Variants in EMC8 observed in about 807,000 individuals in gnomAD.
EMC8 encodes ER membrane protein complex subunit 8.
In EMC8, 11 loss-of-function variants were observed where a neutral mutation model predicts 24.3. The observed-to-expected ratio is 0.45, with a 90% CI of 0.28 to 0.75. EMC8 has a LOEUF of 0.75. Ranked by LOEUF, EMC8 falls within the 30% of genes least tolerant of loss-of-function variation. EMC8 has a pLI of 0.12. For missense variants in EMC8, 277 were observed against 282.7 expected (o/e 0.98, Z 0.14); for synonymous variants, 145 against 117.7 (o/e 1.23, Z -1.50).
rs1156536687 is a variant in EMC8, at chr16:85,778,717, C to G, written c.*991G>C. 6.6e-6 allele frequency: 1 copy of G among 152,184 alleles called. No homozygotes were observed. Among genetic ancestry groups the G allele is most frequent in the African/African-American group, 2.4e-5 (1 of 41,444 alleles). 9.4% of individuals were successfully genotyped at this position (152,184 alleles called of 1,614,324 possible). On this transcript the variant is annotated 3_prime_UTR_variant, in exon 5 of 5. Transcript: ENST00000253457. Reference sequence around the variant, plus strand: ...AATAGTGACCGCTGTATCACAAACCCTTTCAGGTCACACCGATCGTTACAA... The same window carrying G: ...AATAGTGACCGCTGTATCACAAACCGTTTCAGGTCACACCGATCGTTACAA...
Position 85,778,823 on chromosome 16 carries a change from G to A in EMC8, c.*885C>T, listed in dbSNP as rs1219427426. ...TGTACAAAATAATTCATATAAAAAG[G>A]AAAAAAGGTAAACGTACCATAAAGT... is the stretch of plus-strand genomic sequence containing the variant. On this transcript the variant is annotated 3_prime_UTR_variant, in exon 5 of 5. Transcript: ENST00000253457. 5 of 151,884 alleles carry A rather than the reference G, an allele frequency of 3.3e-5. No individual in the cohort carries two copies. Among genetic ancestry groups the A allele is most frequent in the African/African-American group, 1.2e-4 (5 of 41,386 alleles). 9.4% of individuals were successfully genotyped at this position (151,884 alleles called of 1,614,324 possible).
chr16:85,793,244 G>A (rs1175506187), intron 1 of EMC8, among the ~76,000 whole-genome samples: 1 of 152,168 alleles, frequency 6.6e-6, no homozygotes, highest in Non-Finnish European at 1.5e-5. Flanking sequence ...TACAATAACC[G>A]TAAAGAAGGC....
Position 85,799,075 on chromosome 16 carries a change from G to A in EMC8, c.221C>T (p.Ala74Val). The A allele has an allele frequency of 1.9e-6, 3 of 1,550,788 alleles. No homozygotes were observed. Among genetic ancestry groups the A allele is most frequent in the Non-Finnish European group, 2.6e-6 (3 of 1,145,992 alleles). The change falls in exon 1 of 5, where the codon GCT (alanine) becomes GTT (valine). Residue 74 changes from alanine (A) to valine (V), a missense_variant. Coordinates refer to ENST00000253457, the MANE Select transcript of EMC8 (RefSeq NM_006067.5). The surrounding 1 kb of genome is among the most constrained non-coding windows in gnomAD (Gnocchi z 4.2). ...CCTTTCCGCGCTTACCAGGGTGAGA[G>A]CCACCTCCAGCATGGGGGCGAGGGC... The part of the protein sequence containing the change: ...TLALAPMLEV[A>V]LTLIDSWCKD...
chr16:85,783,475 G>A (rs540459573), intron 2 of EMC8, among the ~76,000 whole-genome samples: 1 of 152,136 alleles, frequency 6.6e-6, no homozygotes, highest in Non-Finnish European at 1.5e-5. Context: ...CTTCTTATCC[G>A]ATGTAACCTG....
Position 85,781,315 on chromosome 16 carries a change from T to C in EMC8, c.309-35A>G, listed in dbSNP as rs747570500. ...AAATAGGCTACCACATTCCAGTTAATGCCATTCAACACTGTTTACAAAAGG... is the reference window on the plus strand; with the variant it reads ...AAATAGGCTACCACATTCCAGTTAACGCCATTCAACACTGTTTACAAAAGG... On this transcript the variant is annotated intron_variant, in intron 2 of 4. Coordinates refer to ENST00000253457, the MANE Select transcript of EMC8 (RefSeq NM_006067.5). 4 of 1,350,890 alleles carry C rather than the reference T, an allele frequency of 3.0e-6. No homozygotes were observed. In the South Asian group the frequency reaches 3.5e-5, roughly 12 times the overall value. The allele number at this position is 1,350,890 out of a possible 1,614,324, so 83.7% of individuals were successfully genotyped here.
rs1300072537 is a variant in EMC8 at position 85,799,092 on chromosome 16, G to A, written c.204C>T (p.Ala68=). 1.3e-6 allele frequency: 2 copies of A among 1,565,310 alleles called. No homozygotes were observed. The highest frequency in any genetic ancestry group is 1.2e-5 in the South Asian group (1 of 85,752). Reference sequence around the variant, plus strand: ...GGGTGAGAGCCACCTCCAGCATGGGGGCGAGGGCCAGGGTGCCGTGGAAGA... The same window carrying A: ...GGGTGAGAGCCACCTCCAGCATGGGAGCGAGGGCCAGGGTGCCGTGGAAGA... The part of the protein sequence containing the change: ...IPLFHGTLAL[A]PMLEVALTLI... Residue 68 remains alanine (A), a synonymous_variant, in exon 1 of 5, where the codon GCC becomes GCT. Transcript: ENST00000253457. The surrounding 1 kb of genome is among the most constrained non-coding windows in gnomAD (Gnocchi z 4.2).
At chr16:85,786,568 G>C (rs1904763465) in intron 2 of EMC8, among the ~76,000 whole-genome samples, 1 of 152,178 alleles carries the variant, frequency 6.6e-6, no homozygotes, top group Non-Finnish European at 1.5e-5. Context: ...AGCGGGGGAG[G>C]GGGAGGTGGA....
At chr16:85,781,457 G>C in intron 2 of EMC8, 177 bp from the exon 3 acceptor site, 1 of 581,242 alleles carries the variant, frequency 1.7e-6, no homozygotes, top group Non-Finnish European at 3.1e-6. Context: ...TAGAGATAGG[G>C]TCTTGCTCTG....
At chr16:85,791,722 T>C (rs1905020528) in intron 1 of EMC8, among the ~76,000 whole-genome samples, 2 of 152,214 alleles carry the variant, frequency 1.3e-5, no homozygotes, top group African/African-American at 4.8e-5. Flanking sequence ...ACCTAGAGGC[T>C]GCCCGCATTC....
At chr16:85,780,516 C>T in intron 3 of EMC8, 43 bp from the exon 4 acceptor site, 1 of 1,491,478 alleles carries the variant, frequency 6.7e-7, no homozygotes, top group Non-Finnish European at 9.3e-7. Context: ...AGAATGCCAG[C>T]CAAACAGCAG....
chr16:85,791,690 C>G (rs917640420), intron 1 of EMC8, among the ~76,000 whole-genome samples: 12 of 152,218 alleles, frequency 7.9e-5, no homozygotes, highest in African/African-American at 2.7e-4. Context: ...AGAGGAGAAT[C>G]CTTTTCCTTG....
At chr16:85,784,632 A>G (rs1904665779) in intron 2 of EMC8, 1 of 151,888 alleles carries the variant, frequency 6.6e-6, no homozygotes, top group African/African-American at 2.4e-5. Flanking sequence ...CGCAGAGGGA[A>G]GGCAGTGCTT....
chr16:85,794,004 T>C (rs763659797), intron 1 of EMC8, among the ~76,000 whole-genome samples: 2 of 152,228 alleles, frequency 1.3e-5, no homozygotes, highest in African/African-American at 4.8e-5. Context: ...TCTAATGTTG[T>C]CCTTTGATAG....
chr16:85,786,664 G>A (rs1034855864), intron 2 of EMC8, among the ~76,000 whole-genome samples: 1 of 152,140 alleles, frequency 6.6e-6, no homozygotes, highest in East Asian at 1.9e-4. Flanking sequence ...GCATTTAAAA[G>A]TCAGTATTAA....
intron 2 of EMC8, chr16:85,787,652 AGAG>A (rs1904815316): frequency 1.3e-5 from 2 of 152,248 alleles, no homozygotes; most frequent in African/African-American, 2.4e-5. Context: ...CTGAAGGCGG[AGAG>A]GCCAGTGCTG....
At chr16:85,791,431 C>T (rs1052791933) in intron 1 of EMC8, among the ~76,000 whole-genome samples, 1 of 152,194 alleles carries the variant, frequency 6.6e-6, no homozygotes, top group Non-Finnish European at 1.5e-5. Flanking sequence ...TTAAGCCCCG[C>T]ATGCATTAGC....
Position 85,779,536 on chromosome 16 carries a change from C to G in EMC8, c.*172G>C. The G allele has an allele frequency of 8.1e-6, 5 of 614,922 alleles. No individual in the cohort carries two copies. 38.1% of individuals were successfully genotyped at this position (614,922 alleles called of 1,614,324 possible). On this transcript the variant is annotated 3_prime_UTR_variant, in exon 5 of 5. Coordinates refer to ENST00000253457, the MANE Select transcript of EMC8 (RefSeq NM_006067.5). ...GATGTCTGCACCTCTTCTAGAGACT[C>G]TGTGTTAAAAACACGACCGACTGAA...
In EMC8 at chr16:85,798,848, G is replaced by C. The variant is rs2152078805; in HGVS notation, c.231+217C>G. On this transcript the variant is annotated intron_variant, in intron 1 of 4. Transcript: ENST00000253457. ...TCGTCGCCTTAAAGTGCCTCTAAAA[G>C]CATCCACGACGGTTAAAGTCGCTGC... 5.9e-6 allele frequency: 3 copies of C among 511,578 alleles called. No homozygotes were observed. The East Asian group carries it at 9.4e-5, about 16-fold the overall frequency. 31.7% of individuals were successfully genotyped at this position (511,578 alleles called of 1,614,324 possible). A position where few individuals can be genotyped will look rare whatever the true frequency, so the allele number is the denominator to read the frequency against.
intron 2 of EMC8, among the ~76,000 whole-genome samples, chr16:85,785,628 A>G (rs1238744156): frequency 3.9e-5 from 6 of 152,200 alleles, no homozygotes; most frequent in Admixed American, 1.3e-4. Flanking sequence ...AAAGTATTTG[A>G]AACAGCTGCC....
Sources: gnomAD v4.1 joint callset for allele counts (sites outside exome capture counted in the v4.1 genomes callset) on GRCh38, gnomAD v4.1.1 for gene constraint, Gnocchi (gnomAD v3.1) non-coding constraint, MANE v1.5 for transcripts, NCBI Gene and HGNC (gene_info 2026-07-23, HGNC 2026-07-21) for gene names.